PDS5A: variants seen among roughly 807,000 people sequenced by gnomAD.
The protein encoded by PDS5A is PDS5 cohesin associated factor A, also known as sister chromatid cohesion protein PDS5 homolog A.
PDS5A carries 42 observed loss-of-function variants against 167.1 expected under a neutral mutation model. The observed-to-expected ratio is 0.25, with a 90% CI of 0.20 to 0.33. PDS5A has a LOEUF of 0.33. Among genes scored for constraint, PDS5A ranks in the 10% least tolerant of loss-of-function variants. The pLI is 1.00. For missense variants in PDS5A, 1,033 were observed against 1,605.9 expected, an observed-to-expected ratio of 0.64 and a Z score of 6.10; for synonymous variants, 553 against 554.6, an observed-to-expected ratio of 1.00 and a Z score of 0.04.
At chr4:39,931,828 G>A (rs1012607478) in intron 2 of PDS5A, among the ~76,000 whole-genome samples, 1 of 151,590 alleles carries the variant, frequency 6.6e-6, no homozygotes, top group Non-Finnish European at 1.5e-5. Context: ...ATGATACAAT[G>A]CCTTCTCATA....
intron 6 of PDS5A, 71 bp from the exon 7 acceptor site, chr4:39,920,470 G>GTA (rs1265549596): frequency 1.5e-6 from 1 of 679,478 alleles, no homozygotes; most frequent in East Asian, 2.8e-5. Context: ...TTAGAATACT[G>GTA]TAGTCTTCAA....
At chr4:39,942,813 T>C (rs1002002187) in intron 2 of PDS5A, among the ~76,000 whole-genome samples, 1 of 152,086 alleles carries the variant, frequency 6.6e-6, no homozygotes, top group African/African-American at 2.4e-5. Flanking sequence ...TCTAATGCTG[T>C]GGTCATTAGC....
intron 2 of PDS5A, among the ~76,000 whole-genome samples, chr4:39,948,621 ATT>A (rs55951253): frequency 3.3e-4 from 37 of 110,888 alleles, no homozygotes; most frequent in Admixed American, 5.1e-4. Context: ...CCACGCCTGG[ATT>A]TTTTTTTTTT....
At chr4:39,939,835 T>C (rs1324968439) in intron 2 of PDS5A, among the ~76,000 whole-genome samples, 1 of 152,090 alleles carries the variant, frequency 6.6e-6, no homozygotes, top group Non-Finnish European at 1.5e-5. Flanking sequence ...AACAGCTTTA[T>C]TAAGGTATAG....
At chr4:39,959,554 T>C (rs576380826) in intron 2 of PDS5A, among the ~76,000 whole-genome samples, 1 of 152,008 alleles carries the variant, frequency 6.6e-6, no homozygotes, top group Admixed American at 6.6e-5. Flanking sequence ...CCAAAGCTGG[T>C]AGCAAACTCT....
intron 12 of PDS5A, 32 bp from the exon 13 acceptor site, chr4:39,902,492 G>C: frequency 2.9e-6 from 3 of 1,036,506 alleles, no homozygotes; most frequent in Non-Finnish European, 4.3e-6. Context: ...AAAAACCTAA[G>C]TGACACAATT....
At chr4:39,933,983 T>C (rs988939242) in intron 2 of PDS5A, among the ~76,000 whole-genome samples, 7 of 152,172 alleles carry the variant, frequency 4.6e-5, no homozygotes, top group Non-Finnish European at 7.4e-5. Context: ...TGTATGTGTG[T>C]GCGGGCAGGC....
At chr4:39,875,726 T>A (rs1441993231) in intron 19 of PDS5A, among the ~76,000 whole-genome samples, 1 of 152,170 alleles carries the variant, frequency 6.6e-6, no homozygotes, top group African/African-American at 2.4e-5. Context: ...GAGTATTGAC[T>A]ATGCTTCTAA....
rs552160071 is a variant in PDS5A, at chr4:39,945,835, G to T, written c.139-17671C>A. Among the ~76,000 whole-genome samples the T allele has an allele frequency of 5.3e-5, 8 of 152,244 alleles. No homozygotes were observed. In the East Asian group the frequency reaches 1.4e-3, roughly 26 times the overall value. Reference sequence around the variant, plus strand: ...TATGCTTAAAATGATCAAACATTATGTAAGGTGTTTTTGCTCAAAAATAAA... The same window carrying T: ...TATGCTTAAAATGATCAAACATTATTTAAGGTGTTTTTGCTCAAAAATAAA... On this transcript the variant is annotated intron_variant, in intron 2 of 32. Coordinates refer to ENST00000303538, the MANE Select transcript of PDS5A (RefSeq NM_001100399.2).
At position 39,877,021 on chromosome 4, in the gene PDS5A, T is replaced by G. The variant is rs1720515314; in HGVS notation, c.2125A>C (p.Ile709Leu). 1 of 1,612,432 alleles carries G rather than the reference T, an allele frequency of 6.2e-7. No individual in the cohort carries two copies. The highest frequency in any genetic ancestry group is 8.5e-7 in the Non-Finnish European group (1 of 1,178,942). ...CGTATCTGGGGAAGGTCTGTTTCTA[T>G]TTTGTGACCTGTATTTCTAAAAATT... ...IQIFRNTGHK[I>L]ETDLPQIRST... Residue 709 changes from isoleucine to leucine, a missense_variant, in exon 19 of 33, where the codon ATA becomes CTA. Physicochemically the swap from Ile to Leu is conservative, Grantham distance 5. This residue lies in a region of PDS5A where 367 missense variants were observed against 686.7 expected (regional missense o/e 0.53). Transcript: ENST00000303538.
intron 2 of PDS5A, among the ~76,000 whole-genome samples, chr4:39,931,735 A>T (rs4333192): frequency 0.7 from 105,893 of 151,930 alleles, 38,504 homozygotes; most frequent in Middle Eastern, 0.85. Context: ...GTTACTCAGG[A>T]CAGCCCCGTT....
At chr4:39,897,921 T>G (rs921811547) in intron 16 of PDS5A, 49 of 487,464 alleles carry the variant, frequency 1.0e-4, no homozygotes, top group Non-Finnish European at 1.2e-4. Context: ...TCCTGATAGC[T>G]TTAAGAATAT....
chr4:39,932,589 T>G (rs1726181675), intron 2 of PDS5A: 1 of 159,794 alleles, frequency 6.3e-6, no homozygotes, highest in African/African-American at 2.4e-5. Context: ...TCACAGCACT[T>G]TGGGAGGCTG....
chr4:39,902,592 G>A (rs531707006), intron 12 of PDS5A, 132 bp from the exon 13 acceptor site: 8 of 510,880 alleles, frequency 1.6e-5, no homozygotes, highest in Middle Eastern at 5.1e-4. Flanking sequence ...GTGCAAACTC[G>A]GCTCAATGCA....
intron 18 of PDS5A, among the ~76,000 whole-genome samples, chr4:39,877,599 T>C (rs748701827): frequency 6.6e-6 from 1 of 152,194 alleles, no homozygotes; most frequent in Non-Finnish European, 1.5e-5. Flanking sequence ...CAGAGCTTTC[T>C]TTGACTGGCA....
chr4:39,837,170 G>A (rs926902658), intron 32 of PDS5A: 1 of 151,938 alleles, frequency 6.6e-6, no homozygotes, highest in Non-Finnish European at 1.5e-5. Flanking sequence ...GCAGGATAGT[G>A]GGGGTATCCT....
chr4:39,917,033 AC>A lies in PDS5A; in HGVS notation c.876+14del. 1.4e-6 allele frequency: 2 copies of A among 1,414,514 alleles called. No individual in the cohort carries two copies. The highest frequency in any genetic ancestry group is 1.9e-6 in the Non-Finnish European group (2 of 1,078,914). 87.6% of individuals were successfully genotyped at this position (1,414,514 alleles called of 1,614,324 possible). Reference sequence around the variant, plus strand: ...AAAAAATTAAAAAAAAAAAAAGAAAACTGGTCAATCTTACCTTTAGTTTGAA... The same window carrying A: ...AAAAAATTAAAAAAAAAAAAAGAAAATGGTCAATCTTACCTTTAGTTTGAA... On this transcript the variant is annotated intron_variant, in intron 8 of 32. Transcript: ENST00000303538.
At chr4:39,876,325 C>T (rs1720460910) in intron 19 of PDS5A, among the ~76,000 whole-genome samples, 1 of 152,116 alleles carries the variant, frequency 6.6e-6, no homozygotes, top group Non-Finnish European at 1.5e-5. Flanking sequence ...AGAGAATGTA[C>T]AATGGACACT....
chr4:39,842,089 T>C (rs1291999296), intron 30 of PDS5A, 33 bp from the exon 31 acceptor site: 2 of 1,333,110 alleles, frequency 1.5e-6, no homozygotes, highest in African/African-American at 2.9e-5. Flanking sequence ...GACTTCATAT[T>C]TCCATGAAGA....
Sources: gnomAD v4.1 joint callset for allele counts (sites outside exome capture counted in the v4.1 genomes callset) on GRCh38, gnomAD v4.1.1 for gene constraint, gnomAD v4.1.1 regional missense constraint, MANE v1.5 for transcripts, NCBI Gene and HGNC (gene_info 2026-07-23, HGNC 2026-07-21) for gene names.